The following EYS variants were observed in gnomAD, a reference collection of about 807,000 sequenced individuals.
The protein encoded by EYS is protein eyes shut homolog.
Under a neutral mutation model 282.1 loss-of-function variants are expected in EYS, and 250 were observed. The observed-to-expected ratio is 0.89, with a 90% CI of 0.80 to 0.98. The LOEUF is 0.98. Among genes scored for constraint, EYS ranks in the 50% least tolerant of loss-of-function variants. The pLI, the probability that EYS is intolerant of heterozygous loss-of-function variation, is 0.00. For synonymous variants in EYS, 1,355 were observed against 1,282.9 expected (o/e 1.06, Z -1.20); for missense variants, 4,016 against 3,709.0 (o/e 1.08, Z -2.15).
intron 21 of EYS, among the ~76,000 whole-genome samples, chr6:64,818,263 T>TC (rs1163214333): frequency 6.6e-6 from 1 of 152,154 alleles, no homozygotes; most frequent in African/African-American, 2.4e-5. Flanking sequence ...TACATTTTTT[T>TC]CACTAGTCAT....
At chr6:63,875,820 C>T (rs1397937958) in intron 35 of EYS, among the ~76,000 whole-genome samples, 1 of 151,866 alleles carries the variant, frequency 6.6e-6, no homozygotes, top group Non-Finnish European at 1.5e-5. Context: ...TGGTGATATC[C>T]CCTTTATCAT....
At chr6:65,555,034 T>G (rs1331287940) in intron 2 of EYS, among the ~76,000 whole-genome samples, 1 of 152,058 alleles carries the variant, frequency 6.6e-6, no homozygotes, top group Non-Finnish European at 1.5e-5. Context: ...ACAATTCAAA[T>G]TGTACCTGGT....
chr6:63,795,135 T>C (rs1447755092), intron 37 of EYS, among the ~76,000 whole-genome samples: 1 of 152,176 alleles, frequency 6.6e-6, no homozygotes, highest in Non-Finnish European at 1.5e-5. Context: ...ATCAGCACCA[T>C]TAAGCAGTGA....
chr6:64,795,285 T>C (rs759861912), intron 22 of EYS, among the ~76,000 whole-genome samples: 1 of 151,708 alleles, frequency 6.6e-6, no homozygotes, highest in Non-Finnish European at 1.5e-5. Flanking sequence ...AAATTATACA[T>C]GATATTTGTG....
At chr6:64,567,442 T>G (rs577786795) in intron 26 of EYS, among the ~76,000 whole-genome samples, 1 of 152,220 alleles carries the variant, frequency 6.6e-6, no homozygotes, top group African/African-American at 2.4e-5. Flanking sequence ...GTGTCAAGCA[T>G]GGTATTATAT....
At chr6:63,749,440 TGAG>T (rs1769287823) in intron 41 of EYS, among the ~76,000 whole-genome samples, 1 of 152,188 alleles carries the variant, frequency 6.6e-6, no homozygotes, top group African/African-American at 2.4e-5. Context: ...CATGTGACAA[TGAG>T]AAGAATGTAT....
intron 14 of EYS, among the ~76,000 whole-genome samples, chr6:64,961,041 T>C (rs1276307195): frequency 6.6e-6 from 1 of 152,224 alleles, no homozygotes; most frequent in African/African-American, 2.4e-5. Context: ...ATTTTCTTTA[T>C]CCAGTCTATC....
intron 12 of EYS, among the ~76,000 whole-genome samples, chr6:65,162,340 C>G (rs1318746697): frequency 1.3e-5 from 2 of 151,192 alleles, no homozygotes; most frequent in Admixed American, 1.3e-4. Flanking sequence ...GCTTGAAATA[C>G]AAGAAATAAT....
chr6:63,865,149 C>T (rs987487742), intron 35 of EYS, among the ~76,000 whole-genome samples: 3 of 152,208 alleles, frequency 2.0e-5, no homozygotes, highest in South Asian at 2.1e-4. Context: ...ATACATGACA[C>T]GCTAGGCCAA....
At chr6:64,098,586 T>G (rs923949097) in intron 31 of EYS, among the ~76,000 whole-genome samples, 2 of 151,658 alleles carry the variant, frequency 1.3e-5, no homozygotes, top group African/African-American at 4.9e-5. Context: ...AATGTGTTAG[T>G]AATGTTTTCT....
chr6:65,251,802 T>A (rs550559188), intron 12 of EYS, among the ~76,000 whole-genome samples: 3 of 151,902 alleles, frequency 2.0e-5, no homozygotes, highest in Middle Eastern at 3.4e-3. Context: ...ACTCAAAGAG[T>A]GGGAAAGGAG....
chr6:64,782,659 C>G (rs1290979061), intron 22 of EYS, among the ~76,000 whole-genome samples: 1 of 152,088 alleles, frequency 6.6e-6, no homozygotes, highest in African/African-American at 2.4e-5. Context: ...TTTATTGGGT[C>G]TATCTCCTAG....
chr6:65,396,981 G>A (rs541737446), intron 7 of EYS, among the ~76,000 whole-genome samples: 2 of 151,658 alleles, frequency 1.3e-5, no homozygotes, highest in Admixed American at 6.6e-5. Context: ...TTAGTTGCCA[G>A]TTTATTAGCT....
At chr6:64,558,642 T>C (rs1375399210) in intron 26 of EYS, among the ~76,000 whole-genome samples, 1 of 152,170 alleles carries the variant, frequency 6.6e-6, no homozygotes, top group Non-Finnish European at 1.5e-5. Context: ...ATACACCAAT[T>C]GCAGCATCTT....
Position 64,902,026 on chromosome 6 carries a change from T to C in EYS, c.2846+87A>G, listed in dbSNP as rs1337443987. ...AATGTATCAGTGGTGATCAGCTGCC[T>C]TAGTTACATAATGAGCACATGTGTG... On this transcript the variant is annotated intron_variant, in intron 18 of 42. Transcript: ENST00000503581. 7 of 849,822 alleles carry C rather than the reference T, an allele frequency of 8.2e-6. No homozygotes were observed. The East Asian group carries it at 1.9e-4, about 23-fold the overall frequency. 52.6% of individuals were successfully genotyped at this position (849,822 alleles called of 1,614,324 possible).
intron 42 of EYS, among the ~76,000 whole-genome samples, chr6:63,726,221 T>G (rs1768607861): frequency 6.6e-6 from 1 of 152,184 alleles, no homozygotes; most frequent in African/African-American, 2.4e-5. Flanking sequence ...ATGCATATTT[T>G]GTCTCCTTTG....
chr6:63,987,033 A>G (rs1267737861), intron 34 of EYS, among the ~76,000 whole-genome samples: 1 of 151,750 alleles, frequency 6.6e-6, no homozygotes, highest in Non-Finnish European at 1.5e-5. Flanking sequence ...TAGGCTGTTG[A>G]TCTACCTTTA....
chr6:64,207,327 C>G (rs568008131), intron 31 of EYS, among the ~76,000 whole-genome samples: 1 of 152,066 alleles, frequency 6.6e-6, no homozygotes, highest in Non-Finnish European at 1.5e-5. Context: ...CCTCAACAGA[C>G]ATGGTCCCTC....
In EYS at chr6:65,494,822, T is replaced by G. The variant is rs752981457; in HGVS notation, c.589A>C (p.Thr197Pro). ...GGAGGCTGGCAATGGCAGCTATATG[T>G]CTTGCTCCAAGCTTCACTAAGACAT... ...GKCLSEAWSK[T>P]YSCHCQPPFS... is the part of the protein sequence containing the mutation. Residue 197 changes from threonine to proline, a missense_variant, in exon 4 of 43, where the codon ACA becomes CCA. By Grantham distance (38) the Thr-to-Pro change is conservative (BLOSUM62 -1). Coordinates refer to ENST00000503581, the MANE Select transcript of EYS (RefSeq NM_001142800.2). 6.2e-7 allele frequency: 1 copy of G among 1,614,076 alleles called. No individual in the cohort carries two copies. Among genetic ancestry groups the G allele is most frequent in the Non-Finnish European group, 8.5e-7 (1 of 1,180,004 alleles).
Sources: allele counts gnomAD v4.1 joint callset (sites outside exome capture counted in the v4.1 genomes callset), GRCh38; gene constraint gnomAD v4.1.1; transcripts MANE v1.5; gene names NCBI Gene and HGNC (gene_info 2026-07-23, HGNC 2026-07-21).